Variants in PHLDB2 observed in about 807,000 individuals in gnomAD.
PHLDB2 encodes pleckstrin homology-like domain family B member 2.
A neutral mutation model predicts 123.6 loss-of-function variants in PHLDB2; 71 were observed. That is an observed-to-expected ratio of 0.57 (90% CI 0.47 to 0.70). The LOEUF (loss-of-function observed/expected upper bound fraction) is 0.70, where lower values mean the gene tolerates loss of function less well. Among genes scored for constraint, PHLDB2 ranks in the 30% least tolerant of loss-of-function variants. PHLDB2 has a pLI of 0.00. For missense variants in PHLDB2, 1,446 were observed against 1,519.5 expected, an observed-to-expected ratio of 0.95 and a Z score of 0.80; for synonymous variants, 547 against 541.6, an observed-to-expected ratio of 1.01 and a Z score of -0.14.
At chr3:111,947,091 T>C (rs1264527793) in intron 9 of PHLDB2, among the ~76,000 whole-genome samples, 3 of 152,124 alleles carry the variant, frequency 2.0e-5, no homozygotes, top group Non-Finnish European at 4.4e-5. Context: ...TTTAGTGAGA[T>C]AGGGAAAACT....
Position 111,948,972 on chromosome 3 carries a change from A to G in PHLDB2, c.2528A>G (p.Asn843Ser). The change falls in exon 10 of 18, where the codon AAT becomes AGT. Residue 843 changes from asparagine (N) to serine (S), a missense_variant. Transcript: ENST00000431670. ...AATGAGATTAATGAGCCGTGTGGCA[A>G]TTCCACGAATCTATCCCCTTCCACT... ...SVNEINEPCG[N>S]STNLSPSTQF... is the part of the protein sequence containing the mutation. The G allele has an allele frequency of 3.7e-6, 6 of 1,613,996 alleles. No individual in the cohort carries two copies. Among genetic ancestry groups the G allele is most frequent in the Non-Finnish European group, 5.1e-6 (6 of 1,179,922 alleles).
intron 2 of PHLDB2, chr3:111,911,570 G>A: frequency 1.3e-6 from 2 of 1,514,362 alleles, no homozygotes; most frequent in South Asian, 1.2e-5. Flanking sequence ...GCAGCTGGTG[G>A]AAACTGAAGA....
intron 1 of PHLDB2, among the ~76,000 whole-genome samples, chr3:111,842,205 T>A (rs1364272286): frequency 6.6e-6 from 1 of 152,258 alleles, no homozygotes; most frequent in African/African-American, 2.4e-5. Context: ...TCTTTAGCAG[T>A]GTTCACTTCT....
chr3:111,785,070 C>G (rs1215545766), intron 1 of PHLDB2, among the ~76,000 whole-genome samples: 2 of 152,084 alleles, frequency 1.3e-5, no homozygotes, highest in Non-Finnish European at 2.9e-5. Flanking sequence ...GTTCCATCAG[C>G]TGTGTGTGAG....
intron 1 of PHLDB2, among the ~76,000 whole-genome samples, chr3:111,839,188 G>GAAACAAAC (rs71926626): frequency 6.6e-6 from 1 of 151,800 alleles, no homozygotes; most frequent in African/African-American, 2.4e-5. Context: ...CTTCCAGACT[G>GAAACAAAC]AAACAAACAA....
At chr3:111,758,451 G>A (rs574963739) in intron 1 of PHLDB2, among the ~76,000 whole-genome samples, 14 of 152,248 alleles carry the variant, frequency 9.2e-5, no homozygotes, top group Admixed American at 2.0e-4. Flanking sequence ...TTTTAAGCTC[G>A]TCGGAAAAGC....
chr3:111,791,703 A>C (rs2060934988), intron 1 of PHLDB2, among the ~76,000 whole-genome samples: 1 of 152,158 alleles, frequency 6.6e-6, no homozygotes, highest in African/African-American at 2.4e-5. Flanking sequence ...GATACATTAT[A>C]ATTGTACATA....
intron 1 of PHLDB2, among the ~76,000 whole-genome samples, chr3:111,792,252 A>G (rs2060957978): frequency 6.6e-6 from 1 of 152,156 alleles, no homozygotes; most frequent in South Asian, 2.1e-4. Context: ...TTTCTCCCTC[A>G]TTTCTGAAAG....
At chr3:111,765,721 GA>G (rs1243487193) in intron 1 of PHLDB2, among the ~76,000 whole-genome samples, 1 of 152,228 alleles carries the variant, frequency 6.6e-6, no homozygotes, top group Non-Finnish European at 1.5e-5. Flanking sequence ...GGCTTGAAGT[GA>G]AGATTGGAAC....
At chr3:111,942,137 A>G (rs939722754) in intron 8 of PHLDB2, among the ~76,000 whole-genome samples, 2 of 152,212 alleles carry the variant, frequency 1.3e-5, no homozygotes, top group Non-Finnish European at 2.9e-5. Context: ...AAAAACTCCC[A>G]GTGATAGATT....
chr3:111,785,298 C>T (rs1410479754), intron 1 of PHLDB2, among the ~76,000 whole-genome samples: 1 of 152,056 alleles, frequency 6.6e-6, no homozygotes, highest in Non-Finnish European at 1.5e-5. Context: ...CTCAAGGGCT[C>T]TTGAGATATT....
chr3:111,834,850 G>A (rs770884312), intron 1 of PHLDB2, among the ~76,000 whole-genome samples: 1 of 151,892 alleles, frequency 6.6e-6, no homozygotes, highest in Non-Finnish European at 1.5e-5. Flanking sequence ...ATATTTTTAA[G>A]TCTTTTTTAG....
chr3:111,780,354 A>G (rs1026601631), intron 1 of PHLDB2, among the ~76,000 whole-genome samples: 1,236 of 25,768 alleles, frequency 0.048, 137 homozygotes, highest in Non-Finnish European at 0.13. Context: ...AAGAAGAAGA[A>G]GAAGAAGAAG....
At chr3:111,948,621 C>T (rs1267336703) in intron 9 of PHLDB2, among the ~76,000 whole-genome samples, 2 of 152,076 alleles carry the variant, frequency 1.3e-5, no homozygotes, top group South Asian at 4.2e-4. Flanking sequence ...TGTTGACAAC[C>T]TTAATCCATC....
Position 111,862,166 on chromosome 3 carries a change from T to C in PHLDB2, c.-15+2590T>C, listed in dbSNP as rs545660585. Among the ~76,000 whole-genome samples the C allele has an allele frequency of 3.3e-5, 5 of 152,046 alleles. No homozygotes were observed. In the South Asian group the frequency reaches 1.0e-3, roughly 32 times the overall value. ...CTCCTTTTAAATATTTTTAAAGGAGTAGTTAACGTTATGGCTTTATATCCT... is the reference window on the plus strand; with the variant it reads ...CTCCTTTTAAATATTTTTAAAGGAGCAGTTAACGTTATGGCTTTATATCCT... On this transcript the variant is annotated intron_variant, in intron 1 of 17. Coordinates refer to ENST00000431670, the MANE Select transcript of PHLDB2 (RefSeq NM_001134438.2).
chr3:111,902,552 A>T (rs567119473), intron 2 of PHLDB2, among the ~76,000 whole-genome samples: 1 of 152,246 alleles, frequency 6.6e-6, no homozygotes, highest in Non-Finnish European at 1.5e-5. Context: ...AAGTACAAAT[A>T]AAACAGGCAC....
At chr3:111,819,181 G>T (rs1257692420) in intron 1 of PHLDB2, among the ~76,000 whole-genome samples, 2 of 151,672 alleles carry the variant, frequency 1.3e-5, no homozygotes, top group African/African-American at 2.4e-5. Flanking sequence ...TACCATTGTG[G>T]CTTCATTTAA....
intron 2 of PHLDB2, among the ~76,000 whole-genome samples, chr3:111,911,206 GC>G (rs1396310580): frequency 6.6e-6 from 1 of 152,186 alleles, no homozygotes. Context: ...ACACCTTAGA[GC>G]CCAGGTAATT....
chr3:111,772,322 T>C (rs1245066625), intron 1 of PHLDB2, among the ~76,000 whole-genome samples: 1 of 152,122 alleles, frequency 6.6e-6, no homozygotes, highest in Non-Finnish European at 1.5e-5. Context: ...AATTTAATAA[T>C]TCTATTTTTT....
Sources: allele counts gnomAD v4.1 joint callset (sites outside exome capture counted in the v4.1 genomes callset), GRCh38; gene constraint gnomAD v4.1.1; transcripts MANE v1.5; gene names NCBI Gene and HGNC (gene_info 2026-07-23, HGNC 2026-07-21).